The following AFM variants were observed in gnomAD, a reference collection of about 807,000 sequenced individuals.
AFM encodes afamin.
In AFM, 82 loss-of-function variants were observed where a neutral mutation model predicts 68.7. The observed-to-expected ratio is 1.19, with a 90% confidence interval of 1.00 to 1.43. The LOEUF is 1.43. AFM is among the 40% of genes most tolerant of loss of function. The probability of loss-of-function intolerance (pLI) is 0.00; values close to 1 mark genes in which losing one functional copy is unlikely to be tolerated. For missense variants in AFM, 772 were observed against 701.8 expected, an observed-to-expected ratio of 1.10 and a Z score of -1.13; for synonymous variants, 250 against 234.2, an observed-to-expected ratio of 1.07 and a Z score of -0.61.
At chr4:73,484,490 CTT>C (rs796901730) in intron 3 of AFM, 100 bp downstream of exon 3, 6 of 791,870 alleles carry the variant, frequency 7.6e-6, no homozygotes, top group African/African-American at 5.9e-5. Context: ...TTCTTTCTTT[CTT>C]TCTTTCTTTC....
intron 4 of AFM, 26 bp downstream of exon 4, chr4:73,486,099 A>G (rs1560409029): frequency 6.3e-7 from 1 of 1,578,064 alleles, no homozygotes; most frequent in Admixed American, 1.7e-5. Flanking sequence ...GTAAAAAATG[A>G]TCCAGTTGAA....
intron 14 of AFM, 57 bp downstream of exon 14, chr4:73,503,167 T>C: frequency 5.3e-6 from 7 of 1,325,706 alleles, no homozygotes; most frequent in Non-Finnish European, 7.6e-6. Flanking sequence ...TCTGATCTCC[T>C]TGCCTTTTCT....
At chr4:73,498,314 G>T (rs574207596) in intron 10 of AFM, among the ~76,000 whole-genome samples, 7 of 151,516 alleles carry the variant, frequency 4.6e-5, no homozygotes, top group South Asian at 2.1e-4. Context: ...TTGAGACAGG[G>T]TCTCTCTGTC....
At chr4:73,492,896 T>C (rs183638476) in intron 8 of AFM, among the ~76,000 whole-genome samples, 1,926 of 151,934 alleles carry the variant, frequency 0.013, 19 homozygotes, top group Non-Finnish European at 0.021. Flanking sequence ...TTTGTTTTTT[T>C]TATCTCCTGG....
chr4:73,488,544 G>A, intron 6 of AFM, 86 bp from the exon 7 acceptor site: 2 of 1,192,328 alleles, frequency 1.7e-6, no homozygotes, highest in South Asian at 1.6e-5. Context: ...ACTTTTTGTA[G>A]CTATTCATAT....
In AFM at chr4:73,481,889, T is replaced by G; in HGVS notation, c.88+26T>G. The G allele has an allele frequency of 2.1e-6, 3 of 1,412,968 alleles. No homozygotes were observed. In the South Asian group the frequency reaches 3.7e-5, roughly 17 times the overall value. The allele number at this position is 1,412,968 out of a possible 1,614,324, so 87.5% of individuals were successfully genotyped here. A position where few individuals can be genotyped will look rare whatever the true frequency, so the allele number is the denominator to read the frequency against. On this transcript the variant is annotated intron_variant, in intron 1 of 14. Transcript: ENST00000226355. ...GTAAGAAATTTACTTGTATATCAGC[T>G]AAAGCATGACCAGTTAGGATAATTT...
At chr4:73,484,486 CTTTCT>C (rs1720822892) in intron 3 of AFM, 96 bp downstream of exon 3, 3 of 746,422 alleles carry the variant, frequency 4.0e-6, no homozygotes, top group African/African-American at 3.9e-5. Context: ...TTCTTTCTTT[CTTTCT>C]TTCTTTCTTT....
At position 73,487,163 on chromosome 4, in the gene AFM, T is replaced by A. The variant is rs1577973998; in HGVS notation, c.615+64T>A. The A allele has an allele frequency of 2.6e-6, 4 of 1,547,880 alleles. No homozygotes were observed. The East Asian group carries it at 6.9e-5, about 27-fold the overall frequency. ...CACTCAATACCACAGATCCAGACCC[T>A]GACTTATATTATAGCAAAAGGCTTG... is the stretch of plus-strand genomic sequence containing the variant. On this transcript the variant is annotated intron_variant, in intron 5 of 14. Coordinates refer to ENST00000226355, the MANE Select transcript of AFM (RefSeq NM_001133.2).
chr4:73,491,929 G>A lies in AFM; in HGVS notation c.901G>A (p.Glu301Lys). The A allele has an allele frequency of 6.2e-7, 1 of 1,613,914 alleles. No homozygotes were observed. The highest frequency in any genetic ancestry group is 1.1e-5 in the South Asian group (1 of 91,062). The stretch of plus-strand genomic sequence containing the variant: ...AGATTCTATCTCCAGCAAAATCAAA[G>A]AGTGCTGTGAAAAGAAAATACCAGA... ...KQDSISSKIK[E>K]CCEKKIPERG... The change falls in exon 8 of 15, where the codon GAG becomes AAG. Residue 301 changes from glutamate (E) to lysine (K), a missense_variant. By Grantham distance (56) the Glu-to-Lys change is moderately conservative. Coordinates refer to ENST00000226355, the MANE Select transcript of AFM (RefSeq NM_001133.2).
intron 8 of AFM, among the ~76,000 whole-genome samples, chr4:73,493,526 A>G (rs1326357411): frequency 6.6e-6 from 1 of 152,218 alleles, no homozygotes; most frequent in Admixed American, 6.5e-5. Flanking sequence ...CATAACAACA[A>G]CTAATGTTTA....
At chr4:73,499,423 A>G (rs1394688518) in intron 11 of AFM, among the ~76,000 whole-genome samples, 177 bp downstream of exon 11, 2 of 152,170 alleles carry the variant, frequency 1.3e-5, no homozygotes, top group Non-Finnish European at 2.9e-5. Context: ...AAGAAGTAAA[A>G]CAGAATGTCT....
chr4:73,486,914 C>T (rs72856634), intron 4 of AFM, 53 bp from the exon 5 acceptor site: 42,951 of 1,557,206 alleles, frequency 0.028, 941 homozygotes, highest in African/African-American at 0.085. Context: ...ACATTCATTG[C>T]TTCCTGTTTC....
chr4:73,485,889 G>A lies in AFM; in HGVS notation c.298G>A (p.Ala100Thr), dbSNP rs1720887026. ...TAATGTTTTACAGGAAAAAATATGT[G>A]CTATGGAGGGGCTGCCACAAAAGCA... ...PNNVLQEKIC[A>T]MEGLPQKHNF... The change falls in exon 4 of 15, where the codon GCT becomes ACT. Residue 100 changes from alanine (A) to threonine (T), a missense_variant. Ala to Thr is a moderately conservative substitution (Grantham distance 58). Coordinates refer to ENST00000226355, the MANE Select transcript of AFM (RefSeq NM_001133.2). 6.2e-7 allele frequency: 1 copy of A among 1,613,846 alleles called. No individual in the cohort carries two copies. The highest frequency in any genetic ancestry group is 1.3e-5 in the African/African-American group (1 of 74,882).
intron 12 of AFM, among the ~76,000 whole-genome samples, chr4:73,501,287 G>A (rs934012021): frequency 3.3e-5 from 5 of 151,852 alleles, no homozygotes; most frequent in African/African-American, 4.8e-5. Flanking sequence ...ATATTTTGGG[G>A]GTACATGTGA....
intron 1 of AFM, among the ~76,000 whole-genome samples, chr4:73,482,103 T>C (rs1560406910): frequency 6.6e-6 from 1 of 152,220 alleles, no homozygotes; most frequent in Non-Finnish European, 1.5e-5. Flanking sequence ...ATCAGCAGTC[T>C]ATGACAGGAC....
chr4:73,499,132 G>C lies in AFM; in HGVS notation c.1308G>C (p.Thr436=), dbSNP rs758276293. The change falls in exon 11 of 15, where the codon ACG becomes ACC. Residue 436 remains threonine (T), a synonymous_variant. Coordinates refer to ENST00000226355, the MANE Select transcript of AFM (RefSeq NM_001133.2). ...CTTTCAGTTACCTCATCAGGCTCAC[G>C]AAGATAGCTCCCCAACTCTCCACTG... ...GLKYHYLIRL[T]KIAPQLSTEE... The C allele has an allele frequency of 3.1e-6, 5 of 1,612,828 alleles. No homozygotes were observed. In the Admixed American group the frequency reaches 6.7e-5, roughly 22 times the overall value.
At chr4:73,493,409 G>A (rs1041219138) in intron 8 of AFM, among the ~76,000 whole-genome samples, 7 of 152,122 alleles carry the variant, frequency 4.6e-5, no homozygotes, top group African/African-American at 1.7e-4. Flanking sequence ...TTAAGTATGA[G>A]CACATTGACT....
rs868255955 is a variant in AFM at position 73,500,926 on chromosome 4, C to G, written c.1646+699C>G. On this transcript the variant is annotated intron_variant, in intron 12 of 14. Transcript: ENST00000226355. Reference sequence around the variant, plus strand: ...GTCTGGTCTATTTTATTCTTTTTAACTATCCTGTTTTCATTTTAAAAATGA... The same window carrying G: ...GTCTGGTCTATTTTATTCTTTTTAAGTATCCTGTTTTCATTTTAAAAATGA... 1.5e-4 allele frequency among the ~76,000 whole-genome samples: 23 copies of G among 152,238 alleles called. No homozygotes were observed. In the Middle Eastern group the frequency reaches 0.01, roughly 68 times the overall value.
At chr4:73,497,782 C>A in intron 10 of AFM, 33 bp downstream of exon 10, 1 of 1,332,054 alleles carries the variant, frequency 7.5e-7, no homozygotes, top group Non-Finnish European at 1.1e-6. Flanking sequence ...CTAACACTTG[C>A]CACTAGAATT....
Sources: gnomAD v4.1 joint callset for allele counts (sites outside exome capture counted in the v4.1 genomes callset) on GRCh38, gnomAD v4.1.1 for gene constraint, MANE v1.5 for transcripts, NCBI Gene and HGNC (gene_info 2026-07-23, HGNC 2026-07-21) for gene names.